CELF2: variants seen among roughly 807,000 people sequenced by gnomAD.
CELF2 encodes the protein CUGBP Elav-like family member 2, also known as CUG triplet repeat RNA-binding protein 2.
Under a neutral mutation model 62.6 loss-of-function variants are expected in CELF2, and 8 were observed. That is an observed-to-expected ratio of 0.13 (90% CI 0.07 to 0.23). CELF2 has a LOEUF of 0.23. Ranked by LOEUF, CELF2 falls within the 10% of genes least tolerant of loss-of-function variation. The pLI is 1.00. For synonymous variants in CELF2, 258 were observed against 250.0 expected, an observed-to-expected ratio of 1.03 and a Z score of -0.30; for missense variants, 333 against 671.0, an observed-to-expected ratio of 0.50 and a Z score of 5.56.
At chr10:10,913,452 G>T (rs1038498389) in intron 1 of CELF2, among the ~76,000 whole-genome samples, 1 of 133,148 alleles carries the variant, frequency 7.5e-6, no homozygotes, top group Non-Finnish European at 1.6e-5. Context: ...GTGCAGTGGC[G>T]CAATCTCAGC....
chr10:10,656,131 C>A, the CELF2 span, among the ~76,000 whole-genome samples: 55 of 146,188 alleles, frequency 3.8e-4, no homozygotes, highest in African/African-American at 1.2e-3. Context: ...TGCTCATCAT[C>A]ACTGGCCATC....
At chr10:10,466,210 C>T in the CELF2 span, among the ~76,000 whole-genome samples, 1 of 152,120 alleles carries the variant, frequency 6.6e-6, no homozygotes, top group Non-Finnish European at 1.5e-5. Flanking sequence ...GTCACTTTGA[C>T]TCTTGCCTCC....
At chr10:10,661,889 A>T in the CELF2 span, among the ~76,000 whole-genome samples, 1 of 152,324 alleles carries the variant, frequency 6.6e-6, no homozygotes, top group Admixed American at 6.5e-5. Context: ...GTTCTAGAGC[A>T]TCTCATCTCA....
the CELF2 span, among the ~76,000 whole-genome samples, chr10:10,737,141 A>G: frequency 1.3e-5 from 2 of 152,102 alleles, no homozygotes; most frequent in Non-Finnish European, 2.9e-5. Context: ...GGCAATTTCT[A>G]CTTTAATGTG....
At chr10:10,999,665 C>T (rs760796356) in intron 2 of CELF2, among the ~76,000 whole-genome samples, 2 of 152,184 alleles carry the variant, frequency 1.3e-5, no homozygotes, top group Admixed American at 6.5e-5. Context: ...CTCATCTTTC[C>T]TACACCATCT....
chr10:10,699,187 G>A, the CELF2 span, among the ~76,000 whole-genome samples: 1 of 152,022 alleles, frequency 6.6e-6, no homozygotes, highest in African/African-American at 2.4e-5. Flanking sequence ...CCCCAATATT[G>A]TGCATTCATA....
chr10:10,998,911 G>T (rs1190215385), intron 2 of CELF2, among the ~76,000 whole-genome samples: 1 of 152,086 alleles, frequency 6.6e-6, no homozygotes. Context: ...TGTTCTACCT[G>T]CCTGCAGTTT....
At chr10:10,515,204 G>A in the CELF2 span, among the ~76,000 whole-genome samples, 2 of 152,146 alleles carry the variant, frequency 1.3e-5, no homozygotes, top group Non-Finnish European at 2.9e-5. Context: ...GCACCTGATC[G>A]CCTTTTATAA....
intron 3 of CELF2, 152 bp from the exon 4 acceptor site, chr10:11,249,001 T>C (rs779567682): frequency 9.6e-6 from 6 of 627,618 alleles, no homozygotes; most frequent in African/African-American, 5.5e-5. Flanking sequence ...AAATACAGGC[T>C]TACTTTTTAA....
intron 1 of CELF2, among the ~76,000 whole-genome samples, chr10:11,023,617 A>G (rs1378256936): frequency 6.6e-6 from 1 of 152,210 alleles, no homozygotes; most frequent in African/African-American, 2.4e-5. Flanking sequence ...CTCCTAAAGG[A>G]CTTTTAAAAG....
intron 2 of CELF2, among the ~76,000 whole-genome samples, chr10:10,955,551 A>G (rs1421607479): frequency 6.6e-6 from 1 of 152,218 alleles, no homozygotes; most frequent in Non-Finnish European, 1.5e-5. Flanking sequence ...AACTCATTCA[A>G]CCGTCAGCCA....
At chr10:10,736,266 C>A in the CELF2 span, among the ~76,000 whole-genome samples, 222 of 152,180 alleles carry the variant, frequency 1.5e-3, no homozygotes, top group African/African-American at 4.8e-3. Context: ...GAAGGTGCTA[C>A]GAATGTGGTC....
rs1024563378 is a variant in CELF2 at position 11,246,125 on chromosome 10, A to G, written c.355-3028A>G. On this transcript the variant is annotated intron_variant, in intron 3 of 12. Coordinates refer to ENST00000633077, the MANE Select transcript of CELF2 (RefSeq NM_001326342.2). This position sits in a 1 kb window ranked among gnomAD's most constrained non-coding sequence, Gnocchi z 4.6. ...CATCATCCACGCATTTCACAGATGCATCTGAATGCTCACAGTGCTCTATTT... is the reference window on the plus strand; with the variant it reads ...CATCATCCACGCATTTCACAGATGCGTCTGAATGCTCACAGTGCTCTATTT... Among the ~76,000 whole-genome samples, 1 of 152,108 alleles carries G rather than the reference A, an allele frequency of 6.6e-6. No homozygotes were observed. Among genetic ancestry groups the G allele is most frequent in the African/African-American group, 2.4e-5 (1 of 41,416 alleles).
the CELF2 span, among the ~76,000 whole-genome samples, chr10:10,607,004 G>A: frequency 3.3e-5 from 5 of 151,964 alleles, no homozygotes; most frequent in African/African-American, 1.2e-4. Context: ...TTTAATTAAA[G>A]AAAAAAACAA....
chr10:10,478,019 G>A, the CELF2 span, among the ~76,000 whole-genome samples: 2 of 152,106 alleles, frequency 1.3e-5, no homozygotes, highest in African/African-American at 2.4e-5. Flanking sequence ...ACTTCTTACT[G>A]TTGAGTCATT....
At chr10:10,843,080 G>C (rs1331322799) in intron 1 of CELF2, among the ~76,000 whole-genome samples, 3 of 151,840 alleles carry the variant, frequency 2.0e-5, no homozygotes, top group Non-Finnish European at 4.4e-5. Flanking sequence ...GTAGTTATAG[G>C]GTTGTTCATA....
At chr10:10,519,827 G>A in the CELF2 span, among the ~76,000 whole-genome samples, 1 of 152,178 alleles carries the variant, frequency 6.6e-6, no homozygotes, top group Non-Finnish European at 1.5e-5. Context: ...AAGGGTTAAG[G>A]CTGTCTGTCT....
chr10:10,656,434 C>T, the CELF2 span, among the ~76,000 whole-genome samples: 188 of 133,716 alleles, frequency 1.4e-3, 1 homozygote, highest in East Asian at 3.9e-3. Context: ...ATGTTTATTG[C>T]GGCATTATTC....
At chr10:10,873,609 T>C (rs1456283386) in intron 1 of CELF2, among the ~76,000 whole-genome samples, 1 of 152,208 alleles carries the variant, frequency 6.6e-6, no homozygotes, top group Non-Finnish European at 1.5e-5. Context: ...CTATTCAAAA[T>C]TGGGGCTGCA....
Sources: gnomAD v4.1 joint callset for allele counts (sites outside exome capture counted in the v4.1 genomes callset) on GRCh38, gnomAD v4.1.1 for gene constraint, Gnocchi (gnomAD v3.1) non-coding constraint, MANE v1.5 for transcripts, NCBI Gene and HGNC (gene_info 2026-07-23, HGNC 2026-07-21) for gene names.